NKAIN2: variants seen among roughly 807,000 people sequenced by gnomAD.
The protein encoded by NKAIN2 is sodium/potassium-transporting ATPase subunit beta-1-interacting protein 2.
Under a neutral mutation model 32.6 loss-of-function variants are expected in NKAIN2, and 14 were observed. The observed-to-expected ratio is 0.43, with a 90% CI of 0.28 to 0.67. The LOEUF (loss-of-function observed/expected upper bound fraction) is 0.67, where lower values mean the gene tolerates loss of function less well. Among genes scored for constraint, NKAIN2 ranks in the 30% least tolerant of loss-of-function variants. The pLI is 0.17. For missense variants in NKAIN2, 198 were observed against 258.3 expected, an observed-to-expected ratio of 0.77 and a Z score of 1.60; for synonymous variants, 80 against 87.2, an observed-to-expected ratio of 0.92 and a Z score of 0.46.
intron 1 of NKAIN2, among the ~76,000 whole-genome samples, chr6:124,168,114 G>C (rs1015534811): frequency 1.2e-4 from 19 of 152,074 alleles, no homozygotes; most frequent in African/African-American, 4.6e-4. Context: ...TATCTGTCCT[G>C]GTTTATCATC....
intron 4 of NKAIN2, among the ~76,000 whole-genome samples, chr6:124,667,031 C>G (rs1772831967): frequency 6.6e-6 from 1 of 152,112 alleles, no homozygotes; most frequent in Non-Finnish European, 1.5e-5. Flanking sequence ...TTAACTAAAT[C>G]CTACTAAATT....
intron 3 of NKAIN2, among the ~76,000 whole-genome samples, chr6:124,427,096 T>C (rs2114552038): frequency 6.6e-6 from 1 of 152,338 alleles, no homozygotes. Context: ...AAGCAATTCA[T>C]TTCTTTAAAA....
At chr6:123,876,492 C>T (rs148033374) in intron 1 of NKAIN2, among the ~76,000 whole-genome samples, 1 of 152,066 alleles carries the variant, frequency 6.6e-6, no homozygotes, top group Non-Finnish European at 1.5e-5. Flanking sequence ...GATTTGCTCA[C>T]GTGTTTATGG....
At chr6:124,616,246 T>A (rs1782882727) in intron 3 of NKAIN2, among the ~76,000 whole-genome samples, 1 of 152,064 alleles carries the variant, frequency 6.6e-6, no homozygotes, top group South Asian at 2.1e-4. Context: ...TTGTTCCCTG[T>A]TCAATGCCTT....
chr6:124,670,441 C>T (rs1287247364), intron 4 of NKAIN2, among the ~76,000 whole-genome samples: 1 of 151,920 alleles, frequency 6.6e-6, no homozygotes, highest in African/African-American at 2.4e-5. Flanking sequence ...TTTTGTATAG[C>T]ATTATTTTAA....
intron 1 of NKAIN2, among the ~76,000 whole-genome samples, chr6:123,897,275 C>T (rs374483597): frequency 8.5e-5 from 13 of 152,248 alleles, no homozygotes; most frequent in African/African-American, 3.1e-4. Flanking sequence ...GACCTGGTCT[C>T]TGTTTGCTAC....
At chr6:124,121,392 T>G (rs1562369985) in intron 1 of NKAIN2, among the ~76,000 whole-genome samples, 1 of 152,054 alleles carries the variant, frequency 6.6e-6, no homozygotes, top group East Asian at 1.9e-4. Flanking sequence ...TATGTAAGTA[T>G]ATATATTTAT....
At chr6:123,849,973 T>TTTTTTTTTTTTTTTTTTTG (rs1775259653) in intron 1 of NKAIN2, among the ~76,000 whole-genome samples, 1 of 145,462 alleles carries the variant, frequency 6.9e-6, no homozygotes, top group African/African-American at 2.6e-5. Context: ...TTTGTTTGTT[T>TTTTTTTTTTTTTTTTTTTG]TTTTTTTAAC....
At chr6:124,606,831 C>T (rs1782518549) in intron 3 of NKAIN2, among the ~76,000 whole-genome samples, 1 of 152,116 alleles carries the variant, frequency 6.6e-6, no homozygotes, top group African/African-American at 2.4e-5. Flanking sequence ...CCCATTCTTG[C>T]TCCTTCCAAA....
At chr6:124,180,610 G>T (rs1163197847) in intron 1 of NKAIN2, among the ~76,000 whole-genome samples, 1 of 152,100 alleles carries the variant, frequency 6.6e-6, no homozygotes, top group South Asian at 2.1e-4. Flanking sequence ...TGCCTTCCCA[G>T]CAGTCCCCAA....
chr6:123,819,810 A>G (rs1253660133), intron 1 of NKAIN2, among the ~76,000 whole-genome samples: 1 of 152,236 alleles, frequency 6.6e-6, no homozygotes, highest in Non-Finnish European at 1.5e-5. Context: ...ACTAGAATGC[A>G]AAGCTGGAAA....
intron 3 of NKAIN2, among the ~76,000 whole-genome samples, chr6:124,415,109 G>A (rs1446646800): frequency 6.6e-6 from 1 of 152,174 alleles, no homozygotes; most frequent in Non-Finnish European, 1.5e-5. Flanking sequence ...CAACAGCTGG[G>A]TATCATTTAA....
At position 124,533,912 on chromosome 6, in the gene NKAIN2, G is replaced by A. The variant is rs141558373; in HGVS notation, c.274-124274G>A. On this transcript the variant is annotated intron_variant, in intron 3 of 6. Coordinates refer to ENST00000368417, the MANE Select transcript of NKAIN2 (RefSeq NM_001040214.3). ...CCTCACACGTATGAAGGACTGAGAG[G>A]CTCTCTGGAGTCTCCTTTATAAAGG... 2.6e-5 allele frequency among the ~76,000 whole-genome samples: 4 copies of A among 152,204 alleles called. No individual in the cohort carries two copies. In the East Asian group the frequency reaches 7.8e-4, roughly 30 times the overall value.
intron 1 of NKAIN2, among the ~76,000 whole-genome samples, chr6:123,835,842 C>T (rs1774594757): frequency 6.6e-6 from 1 of 152,164 alleles, no homozygotes. Context: ...CCGGCTCCCC[C>T]TGAGGTTCAT....
At chr6:124,679,895 T>C (rs1773536317) in intron 4 of NKAIN2, among the ~76,000 whole-genome samples, 1 of 152,202 alleles carries the variant, frequency 6.6e-6, no homozygotes, top group South Asian at 2.1e-4. Flanking sequence ...AGCTGGGCTA[T>C]TCAAAGTTGT....
chr6:124,251,001 A>G (rs1036770622), intron 1 of NKAIN2, among the ~76,000 whole-genome samples: 3 of 152,044 alleles, frequency 2.0e-5, no homozygotes, highest in African/African-American at 7.2e-5. Context: ...TAATCACTAA[A>G]AGAATAAACA....
chr6:124,227,154 A>C (rs1792163166), intron 1 of NKAIN2, among the ~76,000 whole-genome samples: 1 of 150,702 alleles, frequency 6.6e-6, no homozygotes, highest in African/African-American at 2.4e-5. Flanking sequence ...CTCCTTATTG[A>C]GTGCATTTAT....
intron 5 of NKAIN2, among the ~76,000 whole-genome samples, chr6:124,796,609 C>T (rs1780009644): frequency 1.3e-5 from 2 of 152,160 alleles, no homozygotes; most frequent in African/African-American, 4.8e-5. Flanking sequence ...TGCCACCAGG[C>T]AGGAATTCCC....
At chr6:124,270,307 C>A (rs1247775312) in intron 1 of NKAIN2, among the ~76,000 whole-genome samples, 1 of 151,964 alleles carries the variant, frequency 6.6e-6, no homozygotes, top group Admixed American at 6.6e-5. Context: ...AATAAAAATG[C>A]AAATGAAACA....
Sources: allele counts gnomAD v4.1 joint callset (sites outside exome capture counted in the v4.1 genomes callset), GRCh38; gene constraint gnomAD v4.1.1; transcripts MANE v1.5; gene names NCBI Gene and HGNC (gene_info 2026-07-23, HGNC 2026-07-21).